DIS3L2: variants seen among roughly 807,000 people sequenced by gnomAD.
DIS3L2 encodes the protein DIS3 like 3'-5' exoribonuclease 2.
A neutral mutation model predicts 97.5 loss-of-function variants in DIS3L2; 34 were observed. That is an observed-to-expected ratio of 0.35 (90% CI 0.27 to 0.46). The LOEUF is 0.46. Among genes scored for constraint, DIS3L2 ranks in the 20% least tolerant of loss-of-function variants. DIS3L2 has a pLI of 1.00. For missense variants in DIS3L2, 1,038 were observed against 1,146.0 expected (o/e 0.91, Z 1.36); for synonymous variants, 435 against 445.2 (o/e 0.98, Z 0.29).
chr2:231,968,532 A>G (rs1018629871), intron 1 of DIS3L2, among the ~76,000 whole-genome samples: 1 of 152,176 alleles, frequency 6.6e-6, no homozygotes, highest in African/African-American at 2.4e-5. Context: ...TGTTAAGTGT[A>G]TTAGTAGCTG....
intron 13 of DIS3L2, among the ~76,000 whole-genome samples, chr2:232,264,894 GCTC>G (rs1156236569): frequency 6.6e-6 from 1 of 152,208 alleles, no homozygotes; most frequent in Non-Finnish European, 1.5e-5. Context: ...GAGTTCTCCT[GCTC>G]CTCCTTCCCC....
chr2:232,237,746 A>G (rs1692973394), intron 10 of DIS3L2, among the ~76,000 whole-genome samples: 1 of 152,140 alleles, frequency 6.6e-6, no homozygotes, highest in South Asian at 2.1e-4. Flanking sequence ...GGAGGGGGGT[A>G]GAGGAACCTC....
intron 5 of DIS3L2, among the ~76,000 whole-genome samples, chr2:232,043,572 A>G (rs1695163151): frequency 6.6e-6 from 1 of 152,234 alleles, no homozygotes; most frequent in Non-Finnish European, 1.5e-5. Flanking sequence ...CTACAAATAT[A>G]TCCCCACTAC....
At chr2:232,187,224 A>G (rs757266377) in intron 9 of DIS3L2, among the ~76,000 whole-genome samples, 2 of 152,206 alleles carry the variant, frequency 1.3e-5, no homozygotes, top group Non-Finnish European at 2.9e-5. Context: ...TACATTCACT[A>G]GGATGGCTGT....
chr2:232,123,812 A>G (rs1259809012), intron 6 of DIS3L2, among the ~76,000 whole-genome samples: 1 of 152,212 alleles, frequency 6.6e-6, no homozygotes, highest in African/African-American at 2.4e-5. Context: ...CAGACTCTTT[A>G]TAAGAAGCTG....
At chr2:232,226,412 T>A (rs187792151) in intron 10 of DIS3L2, among the ~76,000 whole-genome samples, 4 of 152,346 alleles carry the variant, frequency 2.6e-5, no homozygotes, top group Non-Finnish European at 4.4e-5. Flanking sequence ...TGAGTCTGAA[T>A]GTCTTCATCT....
At chr2:232,308,754 T>C (rs994529899) in intron 14 of DIS3L2, among the ~76,000 whole-genome samples, 2 of 152,120 alleles carry the variant, frequency 1.3e-5, no homozygotes, top group Non-Finnish European at 2.9e-5. Flanking sequence ...CCTGAGCACA[T>C]AGTTCTTTCT....
At chr2:232,029,588 C>T (rs1197503586) in intron 4 of DIS3L2, among the ~76,000 whole-genome samples, 1 of 152,012 alleles carries the variant, frequency 6.6e-6, no homozygotes, top group African/African-American at 2.4e-5. Flanking sequence ...CTCTTTCCTT[C>T]TCTTCTTTGC....
chr2:231,975,821 C>T (rs1424959121), intron 1 of DIS3L2, among the ~76,000 whole-genome samples: 1 of 151,384 alleles, frequency 6.6e-6, no homozygotes, highest in East Asian at 1.9e-4. Flanking sequence ...AGAAAGAAAG[C>T]TCCCTTAGAG....
intron 8 of DIS3L2, among the ~76,000 whole-genome samples, chr2:232,159,308 C>A (rs1366704771): frequency 6.6e-6 from 1 of 152,226 alleles, no homozygotes; most frequent in Admixed American, 6.5e-5. Context: ...TTGCAGGACA[C>A]CATTTTCACT....
intron 10 of DIS3L2, among the ~76,000 whole-genome samples, chr2:232,222,663 C>T (rs1692535952): frequency 6.6e-6 from 1 of 152,122 alleles, no homozygotes; most frequent in African/African-American, 2.4e-5. Flanking sequence ...AACATGGTTT[C>T]ACCATGTTGG....
intron 13 of DIS3L2, among the ~76,000 whole-genome samples, chr2:232,274,783 C>T (rs1439802875): frequency 6.6e-6 from 1 of 152,218 alleles, no homozygotes; most frequent in Non-Finnish European, 1.5e-5. Flanking sequence ...AGCCAGTTAC[C>T]ATCTACTATC....
chr2:232,008,554 AT>A (rs1316423357), intron 1 of DIS3L2, among the ~76,000 whole-genome samples: 5 of 152,152 alleles, frequency 3.3e-5, no homozygotes, highest in Non-Finnish European at 7.3e-5. Flanking sequence ...CGCCAACAAA[AT>A]TTGAGAGAAA....
At chr2:232,209,690 A>G (rs1375647823) in intron 9 of DIS3L2, among the ~76,000 whole-genome samples, 2 of 152,186 alleles carry the variant, frequency 1.3e-5, no homozygotes, top group Non-Finnish European at 2.9e-5. Flanking sequence ...TGAGTCAGGC[A>G]TGCTATATGG....
intron 8 of DIS3L2, among the ~76,000 whole-genome samples, chr2:232,149,099 T>C (rs551458485): frequency 2.2e-3 from 332 of 150,730 alleles, no homozygotes; most frequent in Non-Finnish European, 4.1e-3. Context: ...TCATCTCAGA[T>C]GGTGCGTGAA....
intron 3 of DIS3L2, among the ~76,000 whole-genome samples, chr2:232,018,436 G>A (rs181167320): frequency 5.9e-5 from 9 of 152,290 alleles, no homozygotes; most frequent in East Asian, 5.8e-4. Flanking sequence ...TGAGGTCACC[G>A]TGTGAAATAT....
exon 14 of DIS3L2, chr2:232,343,543 G>T (rs1048505602): frequency 1.3e-6 from 2 of 1,566,240 alleles, no homozygotes; most frequent in Non-Finnish European, 8.7e-7. Context: ...CACGATAAGA[G>T]TAGAGGAGCA....
chr2:232,097,410 C>T (rs984835805), intron 6 of DIS3L2, among the ~76,000 whole-genome samples: 1 of 152,166 alleles, frequency 6.6e-6, no homozygotes, highest in Non-Finnish European at 1.5e-5. Flanking sequence ...ACTGTAACCA[C>T]AACCCAACAA....
At chr2:232,094,315 T>C (rs1696934564) in intron 6 of DIS3L2, among the ~76,000 whole-genome samples, 1 of 152,138 alleles carries the variant, frequency 6.6e-6, no homozygotes, top group Non-Finnish European at 1.5e-5. Context: ...AAGTATTCTG[T>C]AAATATTTAT....
Sources: gnomAD v4.1 joint callset for allele counts (sites outside exome capture counted in the v4.1 genomes callset) on GRCh38, gnomAD v4.1.1 for gene constraint, MANE v1.5 for transcripts, NCBI Gene and HGNC (gene_info 2026-07-23, HGNC 2026-07-21) for gene names.